The following EML6 variants were observed in gnomAD, a reference collection of about 807,000 sequenced individuals.
EML6 encodes the protein echinoderm microtubule-associated protein-like 6.
In EML6, 154 loss-of-function variants were observed where a neutral mutation model predicts 240.1. The ratio of observed to expected loss-of-function variants is 0.64; its 90% CI spans 0.56 to 0.73. EML6 has a LOEUF of 0.73. EML6 is among the 30% of genes least tolerant of loss of function. The probability of loss-of-function intolerance (pLI) is 0.00; values close to 1 mark genes in which losing one functional copy is unlikely to be tolerated. For missense variants in EML6, 2,964 were observed against 2,474.6 expected, an observed-to-expected ratio of 1.20 and a Z score of -4.20; for synonymous variants, 1,148 against 899.0, an observed-to-expected ratio of 1.28 and a Z score of -4.95.
chr2:54,962,657 C>G lies in EML6; in HGVS notation c.5103C>G (p.Leu1701=). The change falls in exon 36 of 42, where the codon CTC becomes CTG. Residue 1701 remains leucine (L), a synonymous_variant. Coordinates refer to ENST00000356458, the MANE Select transcript of EML6 (RefSeq NM_001039753.4). ...WGLATHPSKD[L]FISASNDGTA... ...TGGCCACTCACCCTTCCAAGGACCT[C>G]TTCATCTCTGCCAGCAACGATGGCA... The G allele has an allele frequency of 6.5e-7, 1 of 1,533,984 alleles. No individual in the cohort carries two copies. The highest frequency in any genetic ancestry group is 8.8e-7 in the Non-Finnish European group (1 of 1,138,400).
At chr2:54,968,359 G>T in intron 40 of EML6, 78 bp downstream of exon 40, 1 of 1,356,842 alleles carries the variant, frequency 7.4e-7, no homozygotes, top group South Asian at 1.3e-5. Context: ...CGTCTAGATG[G>T]CCCTCTGGGA....
At chr2:54,897,250 G>C (rs967581235) in intron 21 of EML6, among the ~76,000 whole-genome samples, 2 of 152,030 alleles carry the variant, frequency 1.3e-5, no homozygotes, top group South Asian at 2.1e-4. Flanking sequence ...GAGGTAGTTT[G>C]GTTTAAATAT....
intron 7 of EML6, among the ~76,000 whole-genome samples, chr2:54,841,656 C>A (rs1005427951): frequency 1.4e-5 from 2 of 144,230 alleles, no homozygotes; most frequent in African/African-American, 5.3e-5. Flanking sequence ...ATGGCACAAT[C>A]TCAGCTCACT....
intron 22 of EML6, 51 bp from the exon 23 acceptor site, chr2:54,902,993 C>A: frequency 2.0e-6 from 3 of 1,513,458 alleles, no homozygotes; most frequent in Non-Finnish European, 2.7e-6. Flanking sequence ...ATGTGGTTTG[C>A]TTGACAGTGA....
At chr2:54,876,502 T>C in intron 16 of EML6, among the ~76,000 whole-genome samples, 1 of 152,180 alleles carries the variant, frequency 6.6e-6, no homozygotes, top group Non-Finnish European at 1.5e-5. Flanking sequence ...GCTCACCTCT[T>C]ACCCCGGCAA....
At chr2:54,809,163 G>A (rs114080981) in intron 2 of EML6, among the ~76,000 whole-genome samples, 3,374 of 152,312 alleles carry the variant, frequency 0.022, 125 homozygotes, top group African/African-American at 0.077. Flanking sequence ...TATTGTGACA[G>A]TGCTGTCGTA....
intron 26 of EML6, among the ~76,000 whole-genome samples, chr2:54,917,674 A>T (rs1446968977): frequency 6.6e-6 from 1 of 152,018 alleles, no homozygotes. Flanking sequence ...TTTCTTTTTA[A>T]ATAAAGTTCT....
At position 54,853,632 on chromosome 2, in the gene EML6, A is replaced by C. The variant is rs564190616; in HGVS notation, c.1445-11A>C. On this transcript the variant is annotated splice_polypyrimidine_tract_variant and intron_variant, in intron 10 of 41. Coordinates refer to ENST00000356458, the MANE Select transcript of EML6 (RefSeq NM_001039753.4). ...TTATTTAAATGTAATGTTAATATTG[A>C]TTATTTTCAGCTGGGAAGCCTTTAA... is the stretch of plus-strand genomic sequence containing the variant. 6.7e-7 allele frequency: 1 copy of C among 1,485,316 alleles called. No homozygotes were observed. The allele number at this position is 1,485,316 out of a possible 1,614,324, so 92.0% of individuals were successfully genotyped here.
intron 2 of EML6, among the ~76,000 whole-genome samples, chr2:54,749,219 A>G (rs573752113): frequency 6.6e-6 from 1 of 152,354 alleles, no homozygotes; most frequent in East Asian, 1.9e-4. Context: ...AAGTTAAGAA[A>G]GTAAAGCATT....
At chr2:54,855,984 A>T (rs1670354168) in intron 11 of EML6, among the ~76,000 whole-genome samples, 1 of 152,342 alleles carries the variant, frequency 6.6e-6, no homozygotes, top group South Asian at 2.1e-4. Flanking sequence ...GTTGTGGGAA[A>T]TGAGCAAACA....
chr2:54,851,675 A>T (rs1277976400), intron 10 of EML6, among the ~76,000 whole-genome samples: 6 of 152,212 alleles, frequency 3.9e-5, no homozygotes, highest in African/African-American at 1.4e-4. Flanking sequence ...TTCATTATCC[A>T]AGTCTTTTGC....
intron 2 of EML6, among the ~76,000 whole-genome samples, chr2:54,798,465 A>C (rs1202479460): frequency 6.6e-6 from 1 of 152,004 alleles, no homozygotes; most frequent in Non-Finnish European, 1.5e-5. Context: ...GAGCGACCAC[A>C]CCCGGCCATT....
chr2:54,957,896 G>A lies in EML6; in HGVS notation c.4593G>A (p.Lys1531=). 2 of 1,551,640 alleles carry A rather than the reference G, an allele frequency of 1.3e-6. No individual in the cohort carries two copies. Among genetic ancestry groups the A allele is most frequent in the South Asian group, 1.2e-5 (1 of 84,052 alleles). ...QFVSVGVKHM[K]FWTLAGSALL... ...TATCTGTCGGGGTCAAACATATGAA[G>A]TTCTGGACCCTGGCAGGCAGCGCCT... The change falls in exon 33 of 42, where the codon AAG becomes AAA. Residue 1531 remains lysine (K), a synonymous_variant. Transcript: ENST00000356458.
chr2:54,783,309 C>CT (rs1668936221), intron 2 of EML6, among the ~76,000 whole-genome samples: 1 of 152,136 alleles, frequency 6.6e-6, no homozygotes, highest in Non-Finnish European at 1.5e-5. Context: ...ATGAAACACT[C>CT]TGTTATATTG....
At position 54,853,676 on chromosome 2, in the gene EML6, AAG is replaced by A; in HGVS notation, c.1479_1480del (p.Gly494AspfsTer13). ...CCTTTAACAAGTAAAGAAGAAATTA[AAG>A]GGATTCCTTGGGCCTCCTGGACATG... On this transcript the variant is annotated frameshift_variant, in exon 11 of 42. Coordinates refer to ENST00000356458, the MANE Select transcript of EML6 (RefSeq NM_001039753.4). LOFTEE classifies it high-confidence loss of function. The A allele has an allele frequency of 6.5e-7, 1 of 1,548,900 alleles. No homozygotes were observed. The highest frequency in any genetic ancestry group is 2.0e-5 in the Admixed American group (1 of 50,710).
intron 16 of EML6, among the ~76,000 whole-genome samples, chr2:54,876,827 T>A (rs913293123): frequency 1.3e-5 from 2 of 152,190 alleles, no homozygotes; most frequent in East Asian, 1.9e-4. Context: ...CATTTATCAT[T>A]TCTTTGTGGT....
intron 2 of EML6, among the ~76,000 whole-genome samples, chr2:54,756,855 A>G (rs923162653): frequency 4.6e-5 from 7 of 151,834 alleles, no homozygotes; most frequent in Non-Finnish European, 7.4e-5. Context: ...CAGTTCTGGA[A>G]TGTTTTCTTG....
At chr2:54,851,559 T>A (rs1670091865) in intron 10 of EML6, among the ~76,000 whole-genome samples, 1 of 152,264 alleles carries the variant, frequency 6.6e-6, no homozygotes, top group Non-Finnish European at 1.5e-5. Flanking sequence ...GTAGTCTGTA[T>A]AATTTTCTGT....
At position 54,916,902 on chromosome 2, in the gene EML6, T is replaced by C; in HGVS notation, c.3642T>C (p.Phe1214=). Residue 1214 remains phenylalanine (F), a synonymous_variant, in exon 26 of 42, where the codon TTT becomes TTC. Transcript: ENST00000356458. The part of the protein sequence containing the change: ...DCSLLATGDD[F]GFVKLFSYPV... ...CCCTTTTAGCCACCGGAGATGATTT[T>C]GGTTTCGTTAAGCTTTTTTCATATC... 1 of 1,548,258 alleles carries C rather than the reference T, an allele frequency of 6.5e-7. No homozygotes were observed.
Sources: allele counts gnomAD v4.1 joint callset (sites outside exome capture counted in the v4.1 genomes callset), GRCh38; gene constraint gnomAD v4.1.1; transcripts MANE v1.5; gene names NCBI Gene and HGNC (gene_info 2026-07-23, HGNC 2026-07-21).